The following ZRANB3 variants were observed in gnomAD, a reference collection of about 807,000 sequenced individuals.
ZRANB3 encodes the protein zinc finger RANBP2-type containing 3.
ZRANB3 carries 125 observed loss-of-function variants against 133.8 expected under a neutral mutation model. The ratio of observed to expected loss-of-function variants is 0.93; its 90% CI spans 0.81 to 1.08. ZRANB3 has a LOEUF of 1.08. ZRANB3 is among the 50% of genes least tolerant of loss of function. The probability of loss-of-function intolerance (pLI) is 0.00; values close to 1 mark genes in which losing one functional copy is unlikely to be tolerated. For synonymous variants in ZRANB3, 387 were observed against 432.7 expected (o/e 0.89, Z 1.31); for missense variants, 1,229 against 1,275.5 (o/e 0.96, Z 0.56).
chr2:135,217,930 A>C (rs1694377669), intron 16 of ZRANB3, among the ~76,000 whole-genome samples: 1 of 152,042 alleles, frequency 6.6e-6, no homozygotes, highest in African/African-American at 2.4e-5. Context: ...CTGCTGCCTT[A>C]GTCTCCTGAG....
chr2:135,450,707 T>G lies in ZRANB3; in HGVS notation c.161+53622A>C, dbSNP rs114215394. On this transcript the variant is annotated intron_variant, in intron 2 of 20. Transcript: ENST00000264159. ...ATGAGACAACAAAGGCCAGTGATCC[T>G]TGAAAGACAGAAATCAAAAGACGTT... Among the ~76,000 whole-genome samples the G allele has an allele frequency of 3.1e-3, 469 of 152,266 alleles. 2 individuals are homozygous for G. The highest frequency in any genetic ancestry group is 0.011 in the African/African-American group (441 of 41,564).
intron 2 of ZRANB3, among the ~76,000 whole-genome samples, chr2:135,481,156 T>G (rs1413588023): frequency 6.6e-6 from 1 of 151,340 alleles, no homozygotes; most frequent in Admixed American, 6.6e-5. Context: ...GGTCAAATGG[T>G]ATTTCCAGTT....
intron 2 of ZRANB3, among the ~76,000 whole-genome samples, chr2:135,413,160 A>G (rs1273342495): frequency 6.6e-6 from 1 of 152,204 alleles, no homozygotes; most frequent in East Asian, 1.9e-4. Context: ...ACTTTAGGAC[A>G]CTTCGGATAT....
At chr2:135,262,511 G>A (rs1680013544) in intron 12 of ZRANB3, among the ~76,000 whole-genome samples, 1 of 152,054 alleles carries the variant, frequency 6.6e-6, no homozygotes, top group Non-Finnish European at 1.5e-5. Context: ...AAGAGTGGTG[G>A]CGGTTCATGC....
intron 12 of ZRANB3, among the ~76,000 whole-genome samples, chr2:135,234,391 A>T (rs1214228268): frequency 1.3e-5 from 2 of 152,222 alleles, no homozygotes; most frequent in African/African-American, 4.8e-5. Context: ...TCTACGAGAC[A>T]GAAAGTTAAC....
chr2:135,349,103 T>A (rs1685076886), intron 5 of ZRANB3, among the ~76,000 whole-genome samples: 1 of 152,212 alleles, frequency 6.6e-6, no homozygotes, highest in African/African-American at 2.4e-5. Context: ...TACTTTTATA[T>A]GTATCTCACA....
At chr2:135,442,573 C>G (rs1488922014) in intron 2 of ZRANB3, among the ~76,000 whole-genome samples, 1 of 152,078 alleles carries the variant, frequency 6.6e-6, no homozygotes, top group Non-Finnish European at 1.5e-5. Flanking sequence ...TGTGGAGAAA[C>G]AGGAACGCTT....
intron 20 of ZRANB3, among the ~76,000 whole-genome samples, chr2:135,201,300 CT>C (rs34998422): frequency 2.6e-5 from 4 of 151,966 alleles, no homozygotes; most frequent in African/African-American, 9.7e-5. Context: ...AATCAGATGA[CT>C]TTTTTTTCCC....
chr2:135,240,463 C>G (rs962380539), intron 12 of ZRANB3, among the ~76,000 whole-genome samples: 10 of 152,348 alleles, frequency 6.6e-5, no homozygotes, highest in Admixed American at 6.5e-4. Flanking sequence ...TCAGCTATTT[C>G]TAGTTAAACC....
intron 3 of ZRANB3, among the ~76,000 whole-genome samples, chr2:135,360,592 C>A (rs967274327): frequency 2.6e-5 from 4 of 151,392 alleles, no homozygotes; most frequent in Non-Finnish European, 4.4e-5. Flanking sequence ...GTAGTCCCAG[C>A]TACTTGGGAG....
intron 20 of ZRANB3, among the ~76,000 whole-genome samples, chr2:135,200,824 C>T (rs952248728): frequency 4.8e-5 from 7 of 145,408 alleles, no homozygotes; most frequent in African/African-American, 1.3e-4. Flanking sequence ...GATGTGATCT[C>T]GGCTCACTGC....
intron 2 of ZRANB3, among the ~76,000 whole-genome samples, chr2:135,420,101 A>G (rs1316087209): frequency 3.1e-5 from 3 of 96,374 alleles, no homozygotes; most frequent in African/African-American, 5.2e-5. Context: ...TTATATATAT[A>G]TATATATATA....
At position 135,314,995 on chromosome 2, in the gene ZRANB3, G is replaced by A. The variant is rs190739524; in HGVS notation, c.849+364C>T. Among the ~76,000 whole-genome samples, 47 of 151,982 alleles carry A rather than the reference G, an allele frequency of 3.1e-4. 1 individual carries two copies. Among genetic ancestry groups the A allele is most frequent in the African/African-American group, 1.1e-3 (45 of 41,460 alleles). On this transcript the variant is annotated intron_variant, in intron 7 of 20. Coordinates refer to ENST00000264159, the MANE Select transcript of ZRANB3 (RefSeq NM_032143.4). ...AACTCCTGACCTCAGGTGATCTGCC[G>A]ACCTCAGGTGATCTGCCCACCTCAG...
intron 15 of ZRANB3, among the ~76,000 whole-genome samples, chr2:135,219,897 G>A (rs1254057867): frequency 6.6e-6 from 1 of 151,492 alleles, no homozygotes; most frequent in African/African-American, 2.4e-5. Context: ...TTTGAGACAA[G>A]GTATCACTCT....
intron 2 of ZRANB3, among the ~76,000 whole-genome samples, chr2:135,394,847 G>A (rs563267883): frequency 8.1e-4 from 122 of 151,128 alleles, no homozygotes; most frequent in African/African-American, 2.6e-3. Flanking sequence ...GCTGGGTGTA[G>A]TGGCTTATGT....
intron 2 of ZRANB3, among the ~76,000 whole-genome samples, chr2:135,485,664 T>G (rs1559031013): frequency 6.6e-6 from 1 of 152,182 alleles, no homozygotes; most frequent in Non-Finnish European, 1.5e-5. Context: ...CCGTTCCAGA[T>G]CACGTCAACA....
intron 2 of ZRANB3, among the ~76,000 whole-genome samples, chr2:135,420,698 A>G (rs1162314020): frequency 6.6e-6 from 1 of 152,150 alleles, no homozygotes; most frequent in African/African-American, 2.4e-5. Context: ...TGCTCTTCTT[A>G]TATCTGTGCA....
intron 8 of ZRANB3, among the ~76,000 whole-genome samples, chr2:135,302,667 A>C (rs1682490037): frequency 6.6e-6 from 1 of 151,866 alleles, no homozygotes; most frequent in Non-Finnish European, 1.5e-5. Context: ...CTGGGACTAC[A>C]GGCACGCACC....
chr2:135,525,216 A>G (rs1178916268), intron 1 of ZRANB3, among the ~76,000 whole-genome samples: 2 of 152,204 alleles, frequency 1.3e-5, no homozygotes, highest in Non-Finnish European at 2.9e-5. Flanking sequence ...ACTAAACACC[A>G]AAGGATAATA....
Sources: allele counts gnomAD v4.1 joint callset (sites outside exome capture counted in the v4.1 genomes callset), GRCh38; gene constraint gnomAD v4.1.1; transcripts MANE v1.5; gene names NCBI Gene and HGNC (gene_info 2026-07-23, HGNC 2026-07-21).